PPM1L: variants seen among roughly 807,000 people sequenced by gnomAD.
PPM1L encodes the protein protein phosphatase 1L.
PPM1L carries 13 observed loss-of-function variants against 31.4 expected under a neutral mutation model. The observed-to-expected ratio is 0.41, with a 90% CI of 0.27 to 0.66. The LOEUF is 0.66. PPM1L is among the 30% of genes least tolerant of loss of function. The pLI, the probability that PPM1L is intolerant of heterozygous loss-of-function variation, is 0.29. For missense variants in PPM1L, 326 were observed against 453.7 expected (o/e 0.72, Z 2.56); for synonymous variants, 184 against 175.4 (o/e 1.05, Z -0.39).
chr3:160,847,228 A>T (rs1458895812), intron 1 of PPM1L, among the ~76,000 whole-genome samples: 2 of 152,184 alleles, frequency 1.3e-5, no homozygotes. Context: ...GACTTATTCA[A>T]GGTCACATAT....
intron 2 of PPM1L, among the ~76,000 whole-genome samples, chr3:161,018,367 ATAG>A (rs1310232954): frequency 1.3e-5 from 2 of 152,214 alleles, no homozygotes; most frequent in East Asian, 3.8e-4. Context: ...TGTTTATTCA[ATAG>A]TAATAATATC....
At chr3:160,909,890 C>T (rs1713895450) in intron 1 of PPM1L, among the ~76,000 whole-genome samples, 1 of 152,124 alleles carries the variant, frequency 6.6e-6, no homozygotes, top group Non-Finnish European at 1.5e-5. Context: ...AGGGAGTCTT[C>T]AGAGTTTGTA....
chr3:160,957,656 C>A (rs1285673668), intron 1 of PPM1L, among the ~76,000 whole-genome samples: 1 of 149,878 alleles, frequency 6.7e-6, no homozygotes, highest in East Asian at 1.9e-4. Context: ...CGGCTCACTG[C>A]AAGCTCCGCC....
At chr3:160,854,708 G>A (rs1287716022) in intron 1 of PPM1L, among the ~76,000 whole-genome samples, 1 of 151,758 alleles carries the variant, frequency 6.6e-6, no homozygotes, top group African/African-American at 2.4e-5. Flanking sequence ...AGAAATCAGA[G>A]ATAACAAACA....
intron 1 of PPM1L, among the ~76,000 whole-genome samples, chr3:160,837,260 CTT>C (rs1713745793): frequency 1.3e-5 from 2 of 152,068 alleles, no homozygotes; most frequent in Non-Finnish European, 2.9e-5. Flanking sequence ...CTTTGGGAAA[CTT>C]TGCATAAGAC....
chr3:160,767,179 C>T (rs1409391983), intron 1 of PPM1L, among the ~76,000 whole-genome samples: 1 of 151,970 alleles, frequency 6.6e-6, no homozygotes, highest in East Asian at 1.9e-4. Context: ...CATTAGTGCC[C>T]TCCATGTCCT....
At chr3:160,932,004 T>A (rs1714804974) in intron 1 of PPM1L, among the ~76,000 whole-genome samples, 1 of 152,256 alleles carries the variant, frequency 6.6e-6, no homozygotes, top group Middle Eastern at 3.4e-3. Flanking sequence ...TTTTTTGCTC[T>A]TTCTCATTCT....
At chr3:160,898,591 T>C (rs1416849211) in intron 1 of PPM1L, among the ~76,000 whole-genome samples, 1 of 152,176 alleles carries the variant, frequency 6.6e-6, no homozygotes, top group African/African-American at 2.4e-5. Context: ...CAGGCACATG[T>C]TGGGGCTTCT....
intron 1 of PPM1L, among the ~76,000 whole-genome samples, chr3:160,959,311 G>C (rs1384605096): frequency 1.3e-5 from 2 of 152,112 alleles, no homozygotes; most frequent in African/African-American, 4.8e-5. Context: ...GGGTGGGAAG[G>C]GGATGAGGGA....
chr3:160,954,907 C>T (rs1576740214), intron 1 of PPM1L, among the ~76,000 whole-genome samples: 1 of 123,632 alleles, frequency 8.1e-6, no homozygotes, highest in Non-Finnish European at 1.7e-5. Context: ...TTCCTTCCTT[C>T]CTTCCTTCCT....
chr3:160,961,651 T>G, intron 1 of PPM1L, 85 bp from the exon 2 acceptor site: 1 of 1,229,354 alleles, frequency 8.1e-7, no homozygotes, highest in East Asian at 2.7e-5. Flanking sequence ...GCTTTGAGCT[T>G]TCTCTATAGC....
chr3:160,767,961 T>G (rs1264886736), intron 1 of PPM1L, among the ~76,000 whole-genome samples: 1 of 152,198 alleles, frequency 6.6e-6, no homozygotes, highest in Non-Finnish European at 1.5e-5. Flanking sequence ...CAAATAAGTC[T>G]CTTAATGACA....
chr3:161,065,254 T>C, intron 2 of PPM1L, 149 bp from the exon 3 acceptor site: 1 of 674,064 alleles, frequency 1.5e-6, no homozygotes, highest in Non-Finnish European at 2.6e-6. Flanking sequence ...GTTGTCGAAG[T>C]GAACAGCCAT....
At chr3:160,784,462 A>G (rs1711841731) in intron 1 of PPM1L, among the ~76,000 whole-genome samples, 1 of 151,206 alleles carries the variant, frequency 6.6e-6, no homozygotes, top group Non-Finnish European at 1.5e-5. Context: ...TTTAATGGAT[A>G]TTAGATAGCA....
At chr3:160,931,368 A>G (rs766024414) in intron 1 of PPM1L, among the ~76,000 whole-genome samples, 7 of 152,340 alleles carry the variant, frequency 4.6e-5, no homozygotes, top group Non-Finnish European at 7.4e-5. Flanking sequence ...AGCTGCACCC[A>G]TCACCTGGAA....
chr3:160,999,703 AG>A (rs1717422562), intron 2 of PPM1L, among the ~76,000 whole-genome samples: 1 of 152,256 alleles, frequency 6.6e-6, no homozygotes, highest in Non-Finnish European at 1.5e-5. Context: ...AGTGACTTTC[AG>A]GAGTCCTGGC....
chr3:161,022,858 G>T (rs1344903818), intron 2 of PPM1L, among the ~76,000 whole-genome samples: 1 of 151,836 alleles, frequency 6.6e-6, no homozygotes, highest in East Asian at 1.9e-4. Context: ...TAGAGATGGG[G>T]TTTCACTGTG....
At chr3:160,942,955 C>CT (rs548109964) in intron 1 of PPM1L, among the ~76,000 whole-genome samples, 36 of 146,648 alleles carry the variant, frequency 2.5e-4, no homozygotes, top group South Asian at 6.5e-4. Flanking sequence ...GAAGGATAGA[C>CT]TTTTTTTTTT....
intron 2 of PPM1L, among the ~76,000 whole-genome samples, chr3:160,963,170 G>A (rs376237178): frequency 1.3e-5 from 2 of 151,790 alleles, no homozygotes; most frequent in Non-Finnish European, 2.9e-5. Flanking sequence ...CATATAGTCC[G>A]CCCACTTCTT....
Sources: allele counts gnomAD v4.1 joint callset (sites outside exome capture counted in the v4.1 genomes callset), GRCh38; gene constraint gnomAD v4.1.1; transcripts MANE v1.5; gene names NCBI Gene and HGNC (gene_info 2026-07-23, HGNC 2026-07-21).